Variants in TSEN2 observed in about 807,000 individuals in gnomAD.
TSEN2 encodes the protein tRNA-splicing endonuclease subunit Sen2.
A neutral mutation model predicts 59.2 loss-of-function variants in TSEN2; 54 were observed. The ratio of observed to expected loss-of-function variants is 0.91; its 90% confidence interval spans 0.73 to 1.14. TSEN2 has a LOEUF of 1.14. Among genes scored for constraint, TSEN2 ranks in the 50% most tolerant of loss-of-function variants. The probability of loss-of-function intolerance (pLI) is 0.00; values close to 1 mark genes in which losing one functional copy is unlikely to be tolerated. For missense variants in TSEN2, 636 were observed against 576.2 expected (o/e 1.10, Z -1.06); for synonymous variants, 195 against 198.2 (o/e 0.98, Z 0.14).
chr3:12,488,925 C>T (rs1024786912), intron 1 of TSEN2, among the ~76,000 whole-genome samples: 2 of 152,186 alleles, frequency 1.3e-5, no homozygotes, highest in Non-Finnish European at 2.9e-5. Context: ...GAATCTGTTT[C>T]CTATTTGTAA....
chr3:12,509,039 C>T (rs943072803), intron 6 of TSEN2, among the ~76,000 whole-genome samples: 1 of 152,056 alleles, frequency 6.6e-6, no homozygotes, highest in Non-Finnish European at 1.5e-5. Context: ...ATTTTTTAAT[C>T]AAATGCTTTT....
At chr3:12,518,533 G>C (rs1277700564) in intron 7 of TSEN2, among the ~76,000 whole-genome samples, 1 of 152,132 alleles carries the variant, frequency 6.6e-6, no homozygotes, top group East Asian at 1.9e-4. Flanking sequence ...GAGCAGTGCT[G>C]TGCAATAGAA....
rs1367778308 is a variant in TSEN2, at chr3:12,519,063, C to A, written c.965C>A (p.Pro322His). ...GCLSIYYEKE[P>H]LTIVKLWKAF... is the part of the protein sequence containing the mutation. ...TTTTTTTGTAAATAACTTTAGGAGC[C>A]TTTAACGATAGTGAAGCTCTGGAAA... is the stretch of plus-strand genomic sequence containing the variant. Residue 322 changes from proline (P) to histidine (H), a missense_variant, in exon 8 of 12, where the codon CCT becomes CAT. Transcript: ENST00000284995. 1.2e-6 allele frequency: 2 copies of A among 1,614,164 alleles called. No individual in the cohort carries two copies. The highest frequency in any genetic ancestry group is 3.3e-5 in the Admixed American group (2 of 60,018).
chr3:12,527,135 A>T (rs1262098593), intron 8 of TSEN2, among the ~76,000 whole-genome samples: 1 of 152,234 alleles, frequency 6.6e-6, no homozygotes, highest in Admixed American at 6.5e-5. Context: ...TGAAAATTGT[A>T]TGTTTGGATA....
At chr3:12,535,669 T>C (rs2057658712), downstream of TSEN2, among the ~76,000 whole-genome samples, 1 of 152,078 alleles carries the variant, frequency 6.6e-6, no homozygotes. Context: ...GTAGCTGGGA[T>C]TACAAGTGCC....
intron 8 of TSEN2, among the ~76,000 whole-genome samples, chr3:12,527,805 A>C (rs936812816): frequency 1.3e-5 from 2 of 152,156 alleles, no homozygotes; most frequent in African/African-American, 4.8e-5. Context: ...TTCCAAGGTC[A>C]CGTTCCATAC....
chr3:12,491,733 A>G (rs2053230935), intron 2 of TSEN2, among the ~76,000 whole-genome samples: 1 of 152,186 alleles, frequency 6.6e-6, no homozygotes, highest in South Asian at 2.1e-4. Context: ...CCTCTTGTTA[A>G]CTCAGATGGG....
At chr3:12,496,409 T>G (rs1276175979) in intron 3 of TSEN2, 109 bp from the exon 4 acceptor site, 2 of 1,190,510 alleles carry the variant, frequency 1.7e-6, no homozygotes, top group African/African-American at 3.0e-5. Context: ...GTAAACTTTC[T>G]AGGTGTGTGA....
In TSEN2 at chr3:12,503,450, G is replaced by A. The variant is rs781750491; in HGVS notation, c.497G>A (p.Gly166Glu). ...GMVSNMEGTAGGERPSVVNGD... is the reference protein window; with the variant it reads ...GMVSNMEGTAEGERPSVVNGD... ...GTTTCCAACATGGAAGGCACAGCAG[G>A]GGGAGAGAGACCTTCTGTGGTAAAC... Residue 166 changes from glycine to glutamate, a missense_variant, in exon 5 of 12, where the codon GGG (glycine) becomes GAG (glutamate). By Grantham distance (98) the Gly-to-Glu change is moderately conservative (BLOSUM62 -2). Transcript: ENST00000284995. The A allele has an allele frequency of 6.2e-6, 10 of 1,614,244 alleles. No homozygotes were observed. Among genetic ancestry groups the A allele is most frequent in the Non-Finnish European group, 8.5e-6 (10 of 1,180,046 alleles).
chr3:12,498,457 T>C (rs1395686480), intron 4 of TSEN2, among the ~76,000 whole-genome samples: 3 of 152,224 alleles, frequency 2.0e-5, no homozygotes, highest in Admixed American at 6.5e-5. Flanking sequence ...TTTCCTTCAA[T>C]TCTCCTCTAG....
At chr3:12,516,442 A>ATGTGTGTGTGTGTG (rs1491196550) in intron 6 of TSEN2, among the ~76,000 whole-genome samples, 169 bp from the exon 7 acceptor site, 3 of 89,098 alleles carry the variant, frequency 3.4e-5, no homozygotes, top group Non-Finnish European at 4.8e-5. Context: ...AACAAACAAA[A>ATGTGTGTGTGTGTG]TATATGTGTG....
chr3:12,508,700 A>G (rs4684106), intron 6 of TSEN2, among the ~76,000 whole-genome samples: 13,974 of 152,172 alleles, frequency 0.092, 796 homozygotes, highest in Admixed American at 0.17. Flanking sequence ...CAGAACAGAG[A>G]TTTGGAAATT....
chr3:12,503,930 A>G (rs563195712), intron 5 of TSEN2, 146 bp downstream of exon 5: 63 of 1,029,492 alleles, frequency 6.1e-5, no homozygotes, highest in Non-Finnish European at 1.7e-5. Context: ...AGCAGCTGTG[A>G]GGGCCATTTC....
downstream of TSEN2, among the ~76,000 whole-genome samples, chr3:12,538,642 G>GAAGT (rs2125281461): frequency 6.6e-6 from 1 of 152,282 alleles, no homozygotes; most frequent in African/African-American, 2.4e-5. Flanking sequence ...AAGATTAAGT[G>GAAGT]AAGTAGTACA....
chr3:12,484,157 T>C (rs3806663), upstream of TSEN2, among the ~76,000 whole-genome samples: 14,261 of 152,198 alleles, frequency 0.094, 849 homozygotes, highest in Admixed American at 0.17. Context: ...GCCTCAAACA[T>C]CCCATCCACC....
chr3:12,505,246 T>C lies in TSEN2; in HGVS notation c.909+15T>C, dbSNP rs150231627. Reference sequence around the variant, plus strand: ...GCCTAGAAGAGGTATGTTTTCAACATATTATTATTTCAGCCATCGGTCTCT... The same window carrying C: ...GCCTAGAAGAGGTATGTTTTCAACACATTATTATTTCAGCCATCGGTCTCT... On this transcript the variant is annotated intron_variant, in intron 6 of 11. Coordinates refer to ENST00000284995, the MANE Select transcript of TSEN2 (RefSeq NM_025265.4). 1.3e-3 allele frequency: 1,975 copies of C among 1,553,476 alleles called. 16 individuals are homozygous for C. In the African/African-American group the frequency reaches 0.023, roughly 18 times the overall value.
At chr3:12,486,714 C>T (rs2052651833) in intron 1 of TSEN2, among the ~76,000 whole-genome samples, 1 of 152,104 alleles carries the variant, frequency 6.6e-6, no homozygotes, top group Non-Finnish European at 1.5e-5. Context: ...TAGCAGTCGC[C>T]CCCCCATTTC....
chr3:12,501,772 C>T (rs115741506), intron 4 of TSEN2, among the ~76,000 whole-genome samples: 3,755 of 152,294 alleles, frequency 0.025, 68 homozygotes, highest in South Asian at 0.059. Context: ...TCACAAGCCA[C>T]GTGTTGTCTT....
At position 12,489,958 on chromosome 3, in the gene TSEN2, A is replaced by G. The variant is rs773807619; in HGVS notation, c.158A>G (p.Asn53Ser). 2.5e-6 allele frequency: 4 copies of G among 1,614,098 alleles called. No homozygotes were observed. Among genetic ancestry groups the G allele is most frequent in the Non-Finnish European group, 8.5e-7 (1 of 1,180,034 alleles). The part of the protein sequence containing the change: ...EMINNNVIVR[N>S]AEDIEQLYGK... ...ATTAACAACAATGTGATTGTGAGGA[A>G]TGCGGAGGACATTGAGCAGCTCTAT... The change falls in exon 2 of 12, where the codon AAT becomes AGT. Residue 53 changes from asparagine to serine, a missense_variant. Transcript: ENST00000284995.
Sources: gnomAD v4.1 joint callset for allele counts (sites outside exome capture counted in the v4.1 genomes callset) on GRCh38, gnomAD v4.1.1 for gene constraint, MANE v1.5 for transcripts, NCBI Gene and HGNC (gene_info 2026-07-23, HGNC 2026-07-21) for gene names.